EXOC4: variants seen among roughly 807,000 people sequenced by gnomAD.
EXOC4 encodes the protein SEC8-like 1.
A neutral mutation model predicts 107.2 loss-of-function variants in EXOC4; 71 were observed. The ratio of observed to expected loss-of-function variants is 0.66; its 90% CI spans 0.55 to 0.81. The LOEUF (loss-of-function observed/expected upper bound fraction) is 0.81. Among genes scored for constraint, EXOC4 ranks in the 30% least tolerant of loss-of-function variants. The pLI is 0.00. For synonymous variants in EXOC4, 456 were observed against 441.2 expected, an observed-to-expected ratio of 1.03 and a Z score of -0.42; for missense variants, 1,108 against 1,189.6, an observed-to-expected ratio of 0.93 and a Z score of 1.01.
intron 14 of EXOC4, among the ~76,000 whole-genome samples, chr7:133,995,652 A>C (rs1027351767): frequency 6.6e-6 from 1 of 152,224 alleles, no homozygotes; most frequent in Non-Finnish European, 1.5e-5. Flanking sequence ...CAATAATTTA[A>C]AATCTACATT....
Position 133,831,157 on chromosome 7 carries a change from G to T in EXOC4, c.1734+13613G>T, listed in dbSNP as rs1263628726. Among the ~76,000 whole-genome samples the T allele has an allele frequency of 3.3e-5, 5 of 152,104 alleles. No individual in the cohort carries two copies. In the East Asian group the frequency reaches 7.7e-4, roughly 24 times the overall value. On this transcript the variant is annotated intron_variant, in intron 11 of 17. Transcript: ENST00000253861. The stretch of plus-strand genomic sequence containing the variant: ...TTTTTGTATTTTTAGTAGAGACGGG[G>T]TTTCACCATGTTGGTCAGGCTGGTC...
At chr7:133,538,853 AAGAAAGAG>A (rs1217532041) in intron 9 of EXOC4, among the ~76,000 whole-genome samples, 28 of 52,944 alleles carry the variant, frequency 5.3e-4, no homozygotes, top group South Asian at 4.4e-3. Flanking sequence ...GAAAGAAAGA[AAGAAAGAG>A]AGAGAGAGAG....
intron 5 of EXOC4, 58 bp downstream of exon 5, chr7:133,317,448 A>T (rs1795016356): frequency 3.2e-6 from 4 of 1,241,182 alleles, no homozygotes. Context: ...TCCTAGGTAG[A>T]TATCTGGAGG....
chr7:133,528,619 A>G (rs983899097), intron 9 of EXOC4, among the ~76,000 whole-genome samples: 2 of 152,134 alleles, frequency 1.3e-5, no homozygotes, highest in Non-Finnish European at 2.9e-5. Flanking sequence ...ATTTTAAGTC[A>G]ACCAGGACAT....
chr7:133,971,361 T>TATATATAGAGAGAGAGAG (rs1489958236), intron 14 of EXOC4, among the ~76,000 whole-genome samples: 1 of 75,078 alleles, frequency 1.3e-5, no homozygotes, highest in Admixed American at 1.6e-4. Context: ...TATATATATA[T>TATATATAGAGAGAGAGAG]AGAGAGAGAG....
intron 10 of EXOC4, among the ~76,000 whole-genome samples, chr7:133,716,382 A>G (rs1246664684): frequency 6.6e-6 from 1 of 152,336 alleles, no homozygotes; most frequent in African/African-American, 2.4e-5. Flanking sequence ...AATGCAACCT[A>G]TGTATACAGA....
At chr7:134,045,778 T>C (rs907076789) in intron 17 of EXOC4, among the ~76,000 whole-genome samples, 2 of 152,052 alleles carry the variant, frequency 1.3e-5, no homozygotes, top group African/African-American at 4.8e-5. Flanking sequence ...CACTCCTCAT[T>C]TCCCCCAAAC....
At chr7:133,352,798 G>A (rs1795940643) in intron 5 of EXOC4, among the ~76,000 whole-genome samples, 1 of 151,598 alleles carries the variant, frequency 6.6e-6, no homozygotes, top group African/African-American at 2.4e-5. Context: ...ATTTCCCGAT[G>A]GTATGCATTC....
intron 10 of EXOC4, among the ~76,000 whole-genome samples, chr7:133,708,347 G>T (rs897316193): frequency 2.0e-5 from 3 of 152,164 alleles, no homozygotes; most frequent in Non-Finnish European, 4.4e-5. Context: ...GGGGAACATT[G>T]ATATGAAACA....
At chr7:133,806,955 G>C (rs1797090525) in intron 10 of EXOC4, among the ~76,000 whole-genome samples, 1 of 152,198 alleles carries the variant, frequency 6.6e-6, no homozygotes, top group South Asian at 2.1e-4. Flanking sequence ...GAACTGTGCA[G>C]GTCCACTTCT....
At chr7:133,278,915 C>T (rs1282323961) in intron 2 of EXOC4, among the ~76,000 whole-genome samples, 1 of 152,020 alleles carries the variant, frequency 6.6e-6, no homozygotes, top group African/African-American at 2.4e-5. Flanking sequence ...GTGTGCTGCA[C>T]CCATTAACTC....
intron 10 of EXOC4, among the ~76,000 whole-genome samples, chr7:133,645,699 T>C (rs959742551): frequency 3.3e-5 from 5 of 152,048 alleles, no homozygotes; most frequent in Admixed American, 6.6e-5. Context: ...ACACAGTTCA[T>C]CGTTCAGGTT....
chr7:133,947,505 A>G (rs1800581067), intron 14 of EXOC4, among the ~76,000 whole-genome samples: 1 of 152,226 alleles, frequency 6.6e-6, no homozygotes, highest in Admixed American at 6.5e-5. Context: ...TGAATTTGAA[A>G]AAGGCACCTT....
intron 13 of EXOC4, among the ~76,000 whole-genome samples, chr7:133,936,880 C>T (rs1323467496): frequency 6.6e-6 from 1 of 152,092 alleles, no homozygotes; most frequent in Admixed American, 6.6e-5. Flanking sequence ...AGGCTGGTCT[C>T]GAACTCCTGA....
Position 133,917,689 on chromosome 7 carries a change from C to A in EXOC4, c.1978C>A (p.Gln660Lys), listed in dbSNP as rs776059821. The A allele has an allele frequency of 6.2e-7, 1 of 1,614,022 alleles. No homozygotes were observed. Among genetic ancestry groups the A allele is most frequent in the South Asian group, 1.1e-5 (1 of 91,076 alleles). Residue 660 changes from glutamine (Q) to lysine (K), a missense_variant, in exon 13 of 18, where the codon CAA becomes AAA. Transcript: ENST00000253861. ...KSLPNWMNMA[Q>K]PKQLRPKREE... ...TCTACCAAACTGGATGAATATGGCT[C>A]AACCCAAACAGCTGAGGCCAAAAAG... is the stretch of plus-strand genomic sequence containing the variant.
intron 15 of EXOC4, 119 bp from the exon 16 acceptor site, chr7:134,004,793 G>T: frequency 1.2e-6 from 1 of 802,614 alleles, no homozygotes; most frequent in South Asian, 1.9e-5. Flanking sequence ...TGGCTATCAT[G>T]GCTAGTCTTA....
intron 7 of EXOC4, among the ~76,000 whole-genome samples, chr7:133,401,730 C>T (rs971721404): frequency 6.6e-6 from 1 of 151,010 alleles, no homozygotes; most frequent in African/African-American, 2.4e-5. Context: ...GCCTAAGATG[C>T]TAAGTAGTCT....
chr7:133,678,208 A>T (rs1036622837), intron 10 of EXOC4, among the ~76,000 whole-genome samples: 1 of 152,234 alleles, frequency 6.6e-6, no homozygotes, highest in African/African-American at 2.4e-5. Context: ...TTGCAGCACC[A>T]TAGATTGACT....
In EXOC4 at chr7:133,917,705, G is replaced by A; in HGVS notation, c.1994G>A (p.Arg665Lys). ...WMNMAQPKQLRPKREEEEDFI... is the reference protein window; with the variant it reads ...WMNMAQPKQLKPKREEEEDFI... ...AATATGGCTCAACCCAAACAGCTGAGGCCAAAAAGAGAGGAGGAAGAAGAT... is the reference window on the plus strand; with the variant it reads ...AATATGGCTCAACCCAAACAGCTGAAGCCAAAAAGAGAGGAGGAAGAAGAT... Residue 665 changes from arginine (R) to lysine (K), a missense_variant, in exon 13 of 18, where the codon AGG becomes AAG. By Grantham distance (26) the Arg-to-Lys change is conservative (BLOSUM62 2). Coordinates refer to ENST00000253861, the MANE Select transcript of EXOC4 (RefSeq NM_021807.4). 6.2e-7 allele frequency: 1 copy of A among 1,613,744 alleles called. No individual in the cohort carries two copies. Among genetic ancestry groups the A allele is most frequent in the Non-Finnish European group, 8.5e-7 (1 of 1,179,914 alleles).
Sources: gnomAD v4.1 joint callset for allele counts (sites outside exome capture counted in the v4.1 genomes callset) on GRCh38, gnomAD v4.1.1 for gene constraint, MANE v1.5 for transcripts, NCBI Gene and HGNC (gene_info 2026-07-23, HGNC 2026-07-21) for gene names.